The following FARP1 variants were observed in gnomAD, a reference collection of about 807,000 sequenced individuals.
FARP1 encodes FERM, ARHGEF and pleckstrin domain-containing protein 1.
FARP1 carries 52 observed loss-of-function variants against 128.8 expected under a neutral mutation model. The observed-to-expected ratio is 0.40, with a 90% confidence interval of 0.32 to 0.51. The LOEUF is 0.51. Ranked by LOEUF, FARP1 falls within the 20% of genes least tolerant of loss-of-function variation. The pLI, the probability that FARP1 is intolerant of heterozygous loss-of-function variation, is 0.45. For synonymous variants in FARP1, 580 were observed against 551.8 expected (o/e 1.05, Z -0.72); for missense variants, 1,333 against 1,367.9 (o/e 0.97, Z 0.40).
intron 2 of FARP1, among the ~76,000 whole-genome samples, chr13:98,324,648 A>G (rs189976576): frequency 6.6e-6 from 1 of 152,344 alleles, no homozygotes; most frequent in African/African-American, 2.4e-5. Context: ...TGTGATCAAA[A>G]TGTGTTGACC....
chr13:98,346,795 C>T (rs534149259), intron 3 of FARP1, among the ~76,000 whole-genome samples: 10 of 151,998 alleles, frequency 6.6e-5, no homozygotes, highest in South Asian at 2.1e-4. Flanking sequence ...GAGGGGATGC[C>T]GTAAATGACT....
At chr13:98,416,102 G>A (rs1442850507) in intron 16 of FARP1, among the ~76,000 whole-genome samples, 1 of 152,202 alleles carries the variant, frequency 6.6e-6, no homozygotes, top group Non-Finnish European at 1.5e-5. Flanking sequence ...CAAGACAATA[G>A]TGTTTCTGTA....
chr13:98,181,119 C>T (rs547163544), intron 1 of FARP1, among the ~76,000 whole-genome samples: 2 of 152,002 alleles, frequency 1.3e-5, no homozygotes, highest in South Asian at 4.2e-4. Flanking sequence ...TATGTACATC[C>T]ACCAGACATG....
chr13:98,277,007 A>G (rs1185452997), intron 2 of FARP1, among the ~76,000 whole-genome samples: 2 of 152,190 alleles, frequency 1.3e-5, no homozygotes, highest in Admixed American at 6.5e-5. Context: ...GAAAATGTCA[A>G]CATTTCAAAC....
intron 1 of FARP1, among the ~76,000 whole-genome samples, chr13:98,212,577 A>G (rs574872970): frequency 1.4e-5 from 2 of 145,870 alleles, no homozygotes; most frequent in South Asian, 2.3e-4. Flanking sequence ...ATAGTATAGT[A>G]TAGTGTGTAG....
At chr13:98,313,220 T>TCA (rs1886562954) in intron 2 of FARP1, among the ~76,000 whole-genome samples, 1 of 130,336 alleles carries the variant, frequency 7.7e-6, no homozygotes, top group Non-Finnish European at 1.6e-5. Context: ...ACACATACAC[T>TCA]CTGGAATCGG....
chr13:98,446,963 C>G, intron 26 of FARP1, 146 bp downstream of exon 26: 1 of 782,508 alleles, frequency 1.3e-6, no homozygotes, highest in Non-Finnish European at 2.0e-6. Context: ...CTGCCCGACA[C>G]CAGCAGGCGA....
chr13:98,273,875 A>T (rs1419714689), intron 2 of FARP1, among the ~76,000 whole-genome samples: 3 of 152,210 alleles, frequency 2.0e-5, no homozygotes, highest in Admixed American at 2.0e-4. Context: ...TTGCCTCATA[A>T]CAAAGCTCAT....
At chr13:98,303,023 C>T (rs1365412955) in intron 2 of FARP1, among the ~76,000 whole-genome samples, 1 of 152,150 alleles carries the variant, frequency 6.6e-6, no homozygotes, top group Non-Finnish European at 1.5e-5. Flanking sequence ...CTGTATGTAG[C>T]AGGCTCTGTT....
Position 98,176,398 on chromosome 13 carries a change from G to A in FARP1, c.-24+32906G>A, listed in dbSNP as rs752595311. ...CGGGGTGGCCCGGAAGTGCTCCAGCGCGCAGCTCTCGCAGAAATAATGCCT... is the reference window on the plus strand; with the variant it reads ...CGGGGTGGCCCGGAAGTGCTCCAGCACGCAGCTCTCGCAGAAATAATGCCT... On this transcript the variant is annotated intron_variant, in intron 1 of 26. Coordinates refer to ENST00000319562, the MANE Select transcript of FARP1 (RefSeq NM_005766.4). This position sits in a 1 kb window ranked among gnomAD's most constrained non-coding sequence, Gnocchi z 6.2. The A allele has an allele frequency of 3.1e-6, 5 of 1,614,210 alleles. No homozygotes were observed. Among genetic ancestry groups the A allele is most frequent in the Non-Finnish European group, 4.2e-6 (5 of 1,180,040 alleles).
intron 2 of FARP1, among the ~76,000 whole-genome samples, chr13:98,287,208 C>CTTTTTTTTTTTTTTTTT (rs71111939): frequency 2.2e-4 from 17 of 75,844 alleles, no homozygotes; most frequent in South Asian, 4.4e-4. Flanking sequence ...TCAGACATGT[C>CTTTTTTTTTTTTTTTTT]TTTTTTTTTT....
intron 2 of FARP1, among the ~76,000 whole-genome samples, chr13:98,224,787 T>C (rs1881663496): frequency 6.6e-6 from 1 of 152,092 alleles, no homozygotes; most frequent in African/African-American, 2.4e-5. Context: ...GAGGCGACCA[T>C]GACTTCTGCC....
At chr13:98,250,750 A>G (rs1365698546) in intron 2 of FARP1, among the ~76,000 whole-genome samples, 1 of 152,092 alleles carries the variant, frequency 6.6e-6, no homozygotes, top group Non-Finnish European at 1.5e-5. Context: ...AAAAGAAAAA[A>G]ATATATAACA....
At chr13:98,162,664 C>T (rs1447180287) in intron 1 of FARP1, among the ~76,000 whole-genome samples, 2 of 152,132 alleles carry the variant, frequency 1.3e-5, no homozygotes, top group Non-Finnish European at 2.9e-5. Context: ...ATCTACTTTA[C>T]CCTTCATCTA....
chr13:98,395,792 G>A (rs571709005), intron 13 of FARP1: 7 of 405,002 alleles, frequency 1.7e-5, no homozygotes, highest in Non-Finnish European at 2.6e-5. Flanking sequence ...GGGAGCCCTC[G>A]ACTCCCAAGG....
intron 2 of FARP1, among the ~76,000 whole-genome samples, chr13:98,334,939 C>T (rs531048427): frequency 1.4e-3 from 214 of 152,150 alleles, no homozygotes; most frequent in Non-Finnish European, 2.6e-3. Flanking sequence ...CCACCCAGTG[C>T]GTAGTGTTTG....
chr13:98,163,482 CT>C (rs1877025441), intron 1 of FARP1, among the ~76,000 whole-genome samples: 1 of 151,956 alleles, frequency 6.6e-6, no homozygotes, highest in African/African-American at 2.4e-5. Context: ...AAAATTGCCC[CT>C]CCCCTTCAAA....
At chr13:98,229,346 A>G (rs569476930) in intron 2 of FARP1, among the ~76,000 whole-genome samples, 2 of 152,356 alleles carry the variant, frequency 1.3e-5, no homozygotes, top group East Asian at 3.9e-4. Flanking sequence ...GTTATGTTTT[A>G]ATAAAAGGGT....
chr13:98,213,554 A>G (rs1880866308), intron 2 of FARP1, 141 bp downstream of exon 2: 5 of 820,262 alleles, frequency 6.1e-6, no homozygotes, highest in Non-Finnish European at 7.6e-6. Context: ...CCGCCCCCCA[A>G]TGGCCCCGCT....
Sources: gnomAD v4.1 joint callset for allele counts (sites outside exome capture counted in the v4.1 genomes callset) on GRCh38, gnomAD v4.1.1 for gene constraint, Gnocchi (gnomAD v3.1) non-coding constraint, MANE v1.5 for transcripts, NCBI Gene and HGNC (gene_info 2026-07-23, HGNC 2026-07-21) for gene names.